The following ABHD17B variants were observed in gnomAD, a reference collection of about 807,000 sequenced individuals.
ABHD17B encodes the protein abhydrolase domain containing 17B, depalmitoylase.
ABHD17B carries 9 observed loss-of-function variants against 26.2 expected under a neutral mutation model. The observed-to-expected ratio is 0.34, with a 90% CI of 0.21 to 0.60. ABHD17B has a LOEUF of 0.60. Among genes scored for constraint, ABHD17B ranks in the 20% least tolerant of loss-of-function variants. The pLI is 0.80. For missense variants in ABHD17B, 224 were observed against 352.1 expected, an observed-to-expected ratio of 0.64 and a Z score of 2.91; for synonymous variants, 127 against 122.3, an observed-to-expected ratio of 1.04 and a Z score of -0.25.
Position 71,866,607 on chromosome 9 carries a change from A to G in ABHD17B, c.*180T>C. 7.0e-7 allele frequency: 1 copy of G among 1,433,486 alleles called. No individual in the cohort carries two copies. The highest frequency in any genetic ancestry group is 9.1e-7 in the Non-Finnish European group (1 of 1,099,934). The allele number at this position is 1,433,486 out of a possible 1,614,324, so 88.8% of individuals were successfully genotyped here. On this transcript the variant is annotated 3_prime_UTR_variant, in exon 4 of 4. Coordinates refer to ENST00000333421, the MANE Select transcript of ABHD17B (RefSeq NM_001025780.3). Reference sequence around the variant, plus strand: ...CACAGCCTGACTGCACGGTACTGTTATTTCCAGTTTTTAGTTCTGGTAATT... The same window carrying G: ...CACAGCCTGACTGCACGGTACTGTTGTTTCCAGTTTTTAGTTCTGGTAATT...
intron 1 of ABHD17B, among the ~76,000 whole-genome samples, chr9:71,886,581 G>A (rs747775569): frequency 5.3e-5 from 8 of 152,274 alleles, no homozygotes; most frequent in Non-Finnish European, 1.2e-4. Context: ...GTGCAGTGAC[G>A]TGATCTCGGC....
intron 1 of ABHD17B, among the ~76,000 whole-genome samples, chr9:71,903,617 G>A (rs954666197): frequency 1.3e-5 from 2 of 152,116 alleles, no homozygotes; most frequent in African/African-American, 4.8e-5. Context: ...CATTCTATAA[G>A]TACAAAACAC....
chr9:71,884,217 G>C (rs1173040039), intron 1 of ABHD17B, among the ~76,000 whole-genome samples: 5 of 152,186 alleles, frequency 3.3e-5, no homozygotes, highest in Non-Finnish European at 7.3e-5. Context: ...GGTGAGAATG[G>C]GGAAAATGGA....
At chr9:71,899,671 C>T (rs892370628) in intron 1 of ABHD17B, among the ~76,000 whole-genome samples, 2 of 152,264 alleles carry the variant, frequency 1.3e-5, no homozygotes, top group Admixed American at 6.5e-5. Context: ...TTTAAATGAG[C>T]TCTATGCCCC....
At position 71,905,960 on chromosome 9, in the gene ABHD17B, T is replaced by C. The variant is rs79629785; in HGVS notation, c.-4+4674A>G. ...CACTCGGGAAGCCCAGGTGGGAGGATTGTTTGAGCTTGGCGGGGGTCGAGG... is the reference window on the plus strand; with the variant it reads ...CACTCGGGAAGCCCAGGTGGGAGGACTGTTTGAGCTTGGCGGGGGTCGAGG... On this transcript the variant is annotated intron_variant, in intron 1 of 3. Transcript: ENST00000333421. Among the ~76,000 whole-genome samples, 757 of 152,096 alleles carry C rather than the reference T, an allele frequency of 5.0e-3. 4 individuals are homozygous for C. Among genetic ancestry groups the C allele is most frequent in the Non-Finnish European group, 9.0e-3 (612 of 68,004 alleles).
chr9:71,870,335 G>T (rs918959247), intron 2 of ABHD17B, 73 bp from the exon 3 acceptor site: 4 of 1,343,038 alleles, frequency 3.0e-6, no homozygotes, highest in East Asian at 4.8e-5. Context: ...CATTCCAAAG[G>T]ATTTGATCTT....
chr9:71,865,491 G>C lies in ABHD17B; in HGVS notation c.*1296C>G, dbSNP rs990848060. On this transcript the variant is annotated 3_prime_UTR_variant, in exon 4 of 4. Coordinates refer to ENST00000333421, the MANE Select transcript of ABHD17B (RefSeq NM_001025780.3). ...TTAATATAAAAGTTATGAATTAAAC[G>C]TATTCTTATCTCCTATACCCAGGAG... The C allele has an allele frequency of 3.1e-6, 3 of 982,916 alleles. No homozygotes were observed. Among genetic ancestry groups the C allele is most frequent in the Non-Finnish European group, 3.6e-6 (3 of 827,836 alleles). 60.9% of individuals were successfully genotyped at this position (982,916 alleles called of 1,614,324 possible). A position where few individuals can be genotyped will look rare whatever the true frequency, so the allele number is the denominator to read the frequency against.
downstream of ABHD17B, among the ~76,000 whole-genome samples, chr9:71,864,902 G>A (rs1328889376): frequency 9.9e-5 from 15 of 152,126 alleles, no homozygotes; most frequent in Non-Finnish European, 2.1e-4. Context: ...AACACTGAAT[G>A]AATAGGATCA....
chr9:71,885,963 G>T (rs1826595536), intron 1 of ABHD17B, among the ~76,000 whole-genome samples: 1 of 152,178 alleles, frequency 6.6e-6, no homozygotes, highest in Non-Finnish European at 1.5e-5. Context: ...ACATTTAAAA[G>T]AATGCTTATA....
At chr9:71,906,428 T>C (rs575608399) in intron 1 of ABHD17B, among the ~76,000 whole-genome samples, 1 of 152,344 alleles carries the variant, frequency 6.6e-6, no homozygotes, top group South Asian at 2.1e-4. Context: ...CACCATCCAT[T>C]GGTACAAAGC....
intron 1 of ABHD17B, among the ~76,000 whole-genome samples, chr9:71,890,791 T>C (rs370643374): frequency 1.2e-4 from 18 of 152,236 alleles, no homozygotes; most frequent in East Asian, 5.8e-4. Flanking sequence ...TTATTACATT[T>C]AACATATTCC....
At position 71,900,855 on chromosome 9, in the gene ABHD17B, A is replaced by G. The variant is rs370841627; in HGVS notation, c.-4+9779T>C. On this transcript the variant is annotated intron_variant, in intron 1 of 3. Coordinates refer to ENST00000333421, the MANE Select transcript of ABHD17B (RefSeq NM_001025780.3). ...ATCAGAGTTCATGCACTTGCCTAAA[A>G]AATGTTTGCATGGGCTGGGTGCAGT... 9.4e-4 allele frequency among the ~76,000 whole-genome samples: 143 copies of G among 151,736 alleles called. 1 individual carries two copies. The highest frequency in any genetic ancestry group is 2.7e-3 in the African/African-American group (113 of 41,394).
downstream of ABHD17B, chr9:71,862,699 CTTAAGA>C (rs1825859490): frequency 1.9e-6 from 1 of 530,628 alleles, no homozygotes; most frequent in South Asian, 1.9e-5. Context: ...AAAAATCACT[CTTAAGA>C]TTTTGTCATG....
chr9:71,889,938 A>G (rs1440414029), intron 1 of ABHD17B, among the ~76,000 whole-genome samples: 1 of 151,828 alleles, frequency 6.6e-6, no homozygotes, highest in Non-Finnish European at 1.5e-5. Flanking sequence ...AAAATCCATT[A>G]TTTCTTATCA....
chr9:71,865,994 A>G lies in ABHD17B; in HGVS notation c.*793T>C, dbSNP rs1302810482. The G allele has an allele frequency of 2.0e-6, 2 of 985,230 alleles. No homozygotes were observed. The highest frequency in any genetic ancestry group is 6.2e-5 in the Admixed American group (1 of 16,258). The allele number at this position is 985,230 out of a possible 1,614,324, so 61.0% of individuals were successfully genotyped here. Reference sequence around the variant, plus strand: ...GCAATTCTATGAAGACTATGAGATCAGTCAAAATTTAAAACATCGTATACA... The same window carrying G: ...GCAATTCTATGAAGACTATGAGATCGGTCAAAATTTAAAACATCGTATACA... On this transcript the variant is annotated 3_prime_UTR_variant, in exon 4 of 4. Transcript: ENST00000333421.
chr9:71,871,441 T>A (rs1010588268), intron 2 of ABHD17B, among the ~76,000 whole-genome samples: 2 of 152,198 alleles, frequency 1.3e-5, no homozygotes. Context: ...AAAAGCTTTT[T>A]TCTTTACAAC....
rs1163456358 is a variant in ABHD17B at position 71,889,233 on chromosome 9, C to T, written c.-3-14150G>A. ...TCGGGAGGCTGAGGCAGGTGAATCA[C>T]TTGAACCTAGGAGGTACAGGCTGCA... is the stretch of plus-strand genomic sequence containing the variant. On this transcript the variant is annotated intron_variant, in intron 1 of 3. Transcript: ENST00000333421. Among the ~76,000 whole-genome samples, 5 of 151,438 alleles carry T rather than the reference C, an allele frequency of 3.3e-5. No individual in the cohort carries two copies. In the East Asian group the frequency reaches 5.9e-4, roughly 18 times the overall value.
intron 1 of ABHD17B, among the ~76,000 whole-genome samples, chr9:71,882,328 A>C (rs980346244): frequency 4.6e-5 from 7 of 152,268 alleles, no homozygotes; most frequent in East Asian, 1.9e-4. Flanking sequence ...GAAAAACGTA[A>C]GCAATCCAAA....
downstream of ABHD17B, chr9:71,865,114 G>T: frequency 1.0e-6 from 1 of 969,472 alleles, no homozygotes; most frequent in Non-Finnish European, 1.2e-6. Flanking sequence ...TTTCTAGTGT[G>T]GGGGTGGGGA....
Sources: allele counts gnomAD v4.1 joint callset (sites outside exome capture counted in the v4.1 genomes callset), GRCh38; gene constraint gnomAD v4.1.1; transcripts MANE v1.5; gene names NCBI Gene and HGNC (gene_info 2026-07-23, HGNC 2026-07-21).